Variants in CCNA2 observed in about 807,000 individuals in gnomAD.
The protein encoded by CCNA2 is cyclin A2.
A neutral mutation model predicts 49.4 loss-of-function variants in CCNA2; 3 were observed. The ratio of observed to expected loss-of-function variants is 0.06; its 90% CI spans 0.03 to 0.16. The LOEUF (loss-of-function observed/expected upper bound fraction) is 0.16, where lower values mean the gene tolerates loss of function less well. Ranked by LOEUF, CCNA2 falls within the 10% of genes least tolerant of loss-of-function variation. The probability of loss-of-function intolerance (pLI) is 1.00; values close to 1 mark genes in which losing one functional copy is unlikely to be tolerated. For synonymous variants in CCNA2, 206 were observed against 197.2 expected, an observed-to-expected ratio of 1.04 and a Z score of -0.37; for missense variants, 372 against 519.7, an observed-to-expected ratio of 0.72 and a Z score of 2.76.
rs1724574572 is a variant in CCNA2, at chr4:121,817,605, T to C, written c.*33A>G. ...TGTACACCATATACTTTGAGTGATTTACATCTTAGAAAACAAAGGCAGTCT... is the reference window on the plus strand; with the variant it reads ...TGTACACCATATACTTTGAGTGATTCACATCTTAGAAAACAAAGGCAGTCT... On this transcript the variant is annotated 3_prime_UTR_variant, in exon 8 of 8. Transcript: ENST00000274026. The C allele has an allele frequency of 6.2e-7, 1 of 1,613,348 alleles. No individual in the cohort carries two copies. Among genetic ancestry groups the C allele is most frequent in the Non-Finnish European group, 8.5e-7 (1 of 1,179,616 alleles).
intron 5 of CCNA2, among the ~76,000 whole-genome samples, 183 bp downstream of exon 5, chr4:121,819,189 T>A (rs1724629642): frequency 6.6e-6 from 1 of 152,234 alleles, no homozygotes; most frequent in Admixed American, 6.5e-5. Flanking sequence ...AGTGCTTTCC[T>A]GATATAGATT....
chr4:121,823,569 T>C lies in CCNA2; in HGVS notation c.60A>G (p.Ala20=), dbSNP rs1455425984. ...CCTCTTGGAGCGCCGTCTGCTGCAATGCTAGCAGCGCCGAGCCCGCCTCGC... is the reference window on the plus strand; with the variant it reads ...CCTCTTGGAGCGCCGTCTGCTGCAACGCTAGCAGCGCCGAGCCCGCCTCGC... ...ATREAGSALL[A]LQQTALQEDQ... Residue 20 remains alanine, a synonymous_variant, in exon 1 of 8, where the codon GCA becomes GCG. Transcript: ENST00000274026. 3 of 1,610,224 alleles carry C rather than the reference T, an allele frequency of 1.9e-6. No individual in the cohort carries two copies. Among genetic ancestry groups the C allele is most frequent in the Non-Finnish European group, 1.7e-6 (2 of 1,179,126 alleles).
Position 121,816,559 on chromosome 4 carries a change from C to A in CCNA2, c.*1079G>T. 1 of 833,338 alleles carries A rather than the reference C, an allele frequency of 1.2e-6. No individual in the cohort carries two copies. Among genetic ancestry groups the A allele is most frequent in the South Asian group, 2.1e-5 (1 of 46,956 alleles). The allele number at this position is 833,338 out of a possible 1,614,324, so 51.6% of individuals were successfully genotyped here. A position where few individuals can be genotyped will look rare whatever the true frequency, so the allele number is the denominator to read the frequency against. On this transcript the variant is annotated 3_prime_UTR_variant, in exon 8 of 8. Transcript: ENST00000274026. ...CATGACTATAAACAAAAAGACATCC[C>A]TTTTTCATTAGAGATCCATCTGTTC...
At chr4:121,818,431 TG>T (rs1379664851) in intron 6 of CCNA2, among the ~76,000 whole-genome samples, 123 of 152,312 alleles carry the variant, frequency 8.1e-4, no homozygotes, top group African/African-American at 2.8e-3. Context: ...TAACAAACAC[TG>T]TTCAACAGGT....
rs1225289035 is a variant in CCNA2 at position 121,816,729 on chromosome 4, C to T, written c.*909G>A. On this transcript the variant is annotated 3_prime_UTR_variant, in exon 8 of 8. Coordinates refer to ENST00000274026, the MANE Select transcript of CCNA2 (RefSeq NM_001237.5). ...TGCCTCTTATTTCAATAATCCAAAA[C>T]TTAACATACTCTTAGTAAATTCTTA... 6.6e-7 allele frequency: 1 copy of T among 1,525,882 alleles called. No individual in the cohort carries two copies. The highest frequency in any genetic ancestry group is 8.8e-7 in the Non-Finnish European group (1 of 1,141,638). 94.5% of individuals were successfully genotyped at this position (1,525,882 alleles called of 1,614,324 possible).
chr4:121,823,640 G>A lies in CCNA2; in HGVS notation c.-12C>T. 1 of 1,565,140 alleles carries A rather than the reference G, an allele frequency of 6.4e-7. No homozygotes were observed. The highest frequency in any genetic ancestry group is 8.6e-7 in the Non-Finnish European group (1 of 1,160,096). The stretch of plus-strand genomic sequence containing the variant: ...GAGTTGCCCAACATCACTGCTCCCG[G>A]GAGTGGACGGCGGGATCAGCCTGCG... On this transcript the variant is annotated 5_prime_UTR_variant, in exon 1 of 8. Coordinates refer to ENST00000274026, the MANE Select transcript of CCNA2 (RefSeq NM_001237.5).
Position 121,820,852 on chromosome 4 carries a change from C to T in CCNA2, c.571-87G>A. The T allele has an allele frequency of 2.4e-6, 3 of 1,239,158 alleles. No individual in the cohort carries two copies. The highest frequency in any genetic ancestry group is 4.7e-5 in the East Asian group (2 of 42,358). The allele number at this position is 1,239,158 out of a possible 1,614,324, so 76.8% of individuals were successfully genotyped here. Reference sequence around the variant, plus strand: ...TTTTACCATTAATTACGAGAGGCTACATGCTATAAACTTAACTGTAGCATT... The same window carrying T: ...TTTTACCATTAATTACGAGAGGCTATATGCTATAAACTTAACTGTAGCATT... On this transcript the variant is annotated intron_variant, in intron 3 of 7. Coordinates refer to ENST00000274026, the MANE Select transcript of CCNA2 (RefSeq NM_001237.5). The surrounding 1 kb of genome is among the most constrained non-coding windows in gnomAD (Gnocchi z 4.1).
Position 121,820,747 on chromosome 4 carries a change from C to G in CCNA2, c.589G>C (p.Val197Leu). The G allele has an allele frequency of 6.2e-7, 1 of 1,610,310 alleles. No homozygotes were observed. The highest frequency in any genetic ancestry group is 1.7e-4 in the Middle Eastern group (1 of 6,050). The change falls in exon 4 of 8, where the codon GTG (valine) becomes CTG (leucine). Residue 197 changes from valine to leucine, a missense_variant. This residue lies in a region of CCNA2 where 155 missense variants were observed against 288.1 expected (regional missense o/e 0.54). Coordinates refer to ENST00000274026, the MANE Select transcript of CCNA2 (RefSeq NM_001237.5). This position sits in a 1 kb window ranked among gnomAD's most constrained non-coding sequence, Gnocchi z 4.1. ...REMEVKCKPK[V>L]GYMKKQPDIT... is the part of the protein sequence containing the mutation. ...TCTGGCTGTTTCTTCATGTAACCCA[C>G]TTTAGGTTTACATTTAACCTATTGA...
In CCNA2 at chr4:121,816,860, T is replaced by TAA. The variant is rs1553929198; in HGVS notation, c.*776_*777dup. The stretch of plus-strand genomic sequence containing the variant: ...AAAGAAGAGAGCTGCCAATTAAAGC[T>TAA]AACAGTTGTATATCTGTATATATAA... On this transcript the variant is annotated 3_prime_UTR_variant, in exon 8 of 8. Transcript: ENST00000274026. The TAA allele has an allele frequency of 1.9e-6, 3 of 1,574,658 alleles. No homozygotes were observed. The highest frequency in any genetic ancestry group is 2.6e-6 in the Non-Finnish European group (3 of 1,156,452).
chr4:121,822,641 T>C lies in CCNA2; in HGVS notation c.219A>G (p.Ala73=), dbSNP rs778460904. ...QQQRPKTRRV[A]PLKDLPVNDE... ...CATTTACAGGAAGATCCTTAAGGGGTGCAACCTAAAAAAAAATTAATAACT... is the reference window on the plus strand; with the variant it reads ...CATTTACAGGAAGATCCTTAAGGGGCGCAACCTAAAAAAAAATTAATAACT... The change falls in exon 2 of 8, where the codon GCA becomes GCG. Residue 73 remains alanine (A), a synonymous_variant. Coordinates refer to ENST00000274026, the MANE Select transcript of CCNA2 (RefSeq NM_001237.5). 15 of 1,611,220 alleles carry C rather than the reference T, an allele frequency of 9.3e-6. No homozygotes were observed. The highest frequency in any genetic ancestry group is 3.3e-4 in the Middle Eastern group (2 of 6,070).
chr4:121,817,146 A>G lies in CCNA2; in HGVS notation c.*492T>C, dbSNP rs1724555232. On this transcript the variant is annotated 3_prime_UTR_variant, in exon 8 of 8. Coordinates refer to ENST00000274026, the MANE Select transcript of CCNA2 (RefSeq NM_001237.5). ...GAGCGAAAAAGTCTGGGGAATCTCT[A>G]CTGTATCTATCTCTGAATACTGTAT... 9.4e-6 allele frequency: 3 copies of G among 320,784 alleles called. No homozygotes were observed. Among genetic ancestry groups the G allele is most frequent in the South Asian group, 9.3e-5 (2 of 21,540 alleles). 19.9% of individuals were successfully genotyped at this position (320,784 alleles called of 1,614,324 possible).
In CCNA2 at chr4:121,817,060, C is replaced by G; in HGVS notation, c.*578G>C. On this transcript the variant is annotated 3_prime_UTR_variant, in exon 8 of 8. Coordinates refer to ENST00000274026, the MANE Select transcript of CCNA2 (RefSeq NM_001237.5). ...AATTTGCATATAAGCTTCCCACCCTCTTCCACTCCCAACCTCTGTTGAGTT... is the reference window on the plus strand; with the variant it reads ...AATTTGCATATAAGCTTCCCACCCTGTTCCACTCCCAACCTCTGTTGAGTT... The G allele has an allele frequency of 1.9e-6, 1 of 520,282 alleles. No homozygotes were observed. The highest frequency in any genetic ancestry group is 3.3e-6 in the Non-Finnish European group (1 of 302,434). 32.2% of individuals were successfully genotyped at this position (520,282 alleles called of 1,614,324 possible). A position where few individuals can be genotyped will look rare whatever the true frequency, so the allele number is the denominator to read the frequency against.
rs1403840450 is a variant in CCNA2 at position 121,817,343 on chromosome 4, T to A, written c.*295A>T. Reference sequence around the variant, plus strand: ...AAGTAAACTTCTTTACTAAGCAAAATCCTGAAGAAGTTAAATTTGACTTGC... The same window carrying A: ...AAGTAAACTTCTTTACTAAGCAAAAACCTGAAGAAGTTAAATTTGACTTGC... On this transcript the variant is annotated 3_prime_UTR_variant, in exon 8 of 8. Coordinates refer to ENST00000274026, the MANE Select transcript of CCNA2 (RefSeq NM_001237.5). 3 of 292,654 alleles carry A rather than the reference T, an allele frequency of 1.0e-5. No homozygotes were observed. The highest frequency in any genetic ancestry group is 1.9e-5 in the Non-Finnish European group (3 of 158,996). The allele number at this position is 292,654 out of a possible 1,614,324, so 18.1% of individuals were successfully genotyped here.
rs1420855126 is a variant in CCNA2 at position 121,820,842 on chromosome 4, CGA to C, written c.571-79_571-78del. 1 of 1,245,556 alleles carries C rather than the reference CGA, an allele frequency of 8.0e-7. No homozygotes were observed. Among genetic ancestry groups the C allele is most frequent in the Non-Finnish European group, 1.1e-6 (1 of 870,098 alleles). The allele number at this position is 1,245,556 out of a possible 1,614,324, so 77.2% of individuals were successfully genotyped here. On this transcript the variant is annotated intron_variant, in intron 3 of 7. Transcript: ENST00000274026. The surrounding 1 kb of genome is among the most constrained non-coding windows in gnomAD (Gnocchi z 4.1). ...AATTAGATTATTTTACCATTAATTA[CGA>C]GAGGCTACATGCTATAAACTTAACT... is the stretch of plus-strand genomic sequence containing the variant.
Position 121,820,446 on chromosome 4 carries a change from TGCCTG to T in CCNA2, c.794+91_794+95del, listed in dbSNP as rs1157250857. 1.2e-6 allele frequency: 1 copy of T among 810,320 alleles called. No individual in the cohort carries two copies. The highest frequency in any genetic ancestry group is 2.0e-6 in the Non-Finnish European group (1 of 498,394). The allele number at this position is 810,320 out of a possible 1,614,324, so 50.2% of individuals were successfully genotyped here. On this transcript the variant is annotated intron_variant, in intron 4 of 7. Coordinates refer to ENST00000274026, the MANE Select transcript of CCNA2 (RefSeq NM_001237.5). The surrounding 1 kb of genome is among the most constrained non-coding windows in gnomAD (Gnocchi z 4.1). ...CCATCCCTAAAGTAGTCACTGACTC[TGCCTG>T]GTGTATGTTAAAAGGTCACCATTAA...
chr4:121,823,373 C>G, intron 1 of CCNA2, 43 bp downstream of exon 1: 1 of 1,563,956 alleles, frequency 6.4e-7, no homozygotes, highest in South Asian at 1.2e-5. Flanking sequence ...AATGCCAAAC[C>G]CTGCTCGACC....
intron 1 of CCNA2, 142 bp downstream of exon 1, chr4:121,823,274 C>T (rs2149043601): frequency 9.6e-7 from 1 of 1,043,738 alleles, no homozygotes; most frequent in Non-Finnish European, 1.4e-6. Flanking sequence ...TGGCAAACCA[C>T]ACACCAGCAC....
chr4:121,816,493 C>A lies in CCNA2; in HGVS notation c.*1145G>T. 2 of 1,223,654 alleles carry A rather than the reference C, an allele frequency of 1.6e-6. No individual in the cohort carries two copies. Among genetic ancestry groups the A allele is most frequent in the Admixed American group, 2.4e-5 (1 of 42,218 alleles). 75.8% of individuals were successfully genotyped at this position (1,223,654 alleles called of 1,614,324 possible). ...TTCAAATGTATACATATACTCAACA[C>A]TTATAGAGGTTTGCTCTCTGGTTTT... On this transcript the variant is annotated 3_prime_UTR_variant, in exon 8 of 8. Transcript: ENST00000274026.
In CCNA2 at chr4:121,817,456, CAGAT is replaced by C. The variant is rs1578511145; in HGVS notation, c.*178_*181del. The C allele has an allele frequency of 1.6e-6, 1 of 614,100 alleles. No individual in the cohort carries two copies. Among genetic ancestry groups the C allele is most frequent in the African/African-American group, 1.9e-5 (1 of 53,690 alleles). The allele number at this position is 614,100 out of a possible 1,614,324, so 38.0% of individuals were successfully genotyped here. A position where few individuals can be genotyped will look rare whatever the true frequency, so the allele number is the denominator to read the frequency against. On this transcript the variant is annotated 3_prime_UTR_variant, in exon 8 of 8. Coordinates refer to ENST00000274026, the MANE Select transcript of CCNA2 (RefSeq NM_001237.5). ...CTTAAAATTAGCCAAATATCTAAGA[CAGAT>C]ACATATACAAAAGATATACAAATTA...
Sources: allele counts gnomAD v4.1 joint callset (sites outside exome capture counted in the v4.1 genomes callset), GRCh38; gene constraint gnomAD v4.1.1; regional missense constraint gnomAD v4.1.1; non-coding constraint Gnocchi (gnomAD v3.1); transcripts MANE v1.5; gene names NCBI Gene and HGNC (gene_info 2026-07-23, HGNC 2026-07-21).